Variants in NXPE4 observed in about 807,000 individuals in gnomAD.
NXPE4 encodes neurexophilin and PC-esterase domain family member 4, also known as NXPE family member 4.
A neutral mutation model predicts 33.3 loss-of-function variants in NXPE4; 42 were observed. The observed-to-expected ratio is 1.26, with a 90% CI of 0.98 to 1.63. The LOEUF is 1.63. Ranked by LOEUF, NXPE4 falls within the 40% of genes most tolerant of loss-of-function variation. The pLI is 0.00. For synonymous variants in NXPE4, 253 were observed against 234.9 expected (o/e 1.08, Z -0.71); for missense variants, 709 against 647.6 (o/e 1.09, Z -1.03).
At chr11:114,669,159 A>G in the NXPE4 span, among the ~76,000 whole-genome samples, 1 of 152,112 alleles carries the variant, frequency 6.6e-6, no homozygotes, top group Non-Finnish European at 1.5e-5. Context: ...CCCTCTCCCC[A>G]GTGGAACAAT....
At chr11:114,663,667 C>T in the NXPE4 span, among the ~76,000 whole-genome samples, 6 of 84,638 alleles carry the variant, frequency 7.1e-5, no homozygotes, top group East Asian at 3.4e-4. Flanking sequence ...ATTTATCTAT[C>T]ATCTATCTAT....
At chr11:114,594,520 A>C (rs1949534459) in intron 2 of NXPE4, 144 bp downstream of exon 2, 1 of 631,244 alleles carries the variant, frequency 1.6e-6, no homozygotes, top group Non-Finnish European at 2.8e-6. Context: ...TTGCTTAATG[A>C]TTATCAGGTA....
chr11:114,633,271 G>A, the NXPE4 span, among the ~76,000 whole-genome samples: 4 of 132,908 alleles, frequency 3.0e-5, no homozygotes, highest in Non-Finnish European at 4.6e-5. Context: ...ATGTTATATA[G>A]TATTATGTTA....
the NXPE4 span, among the ~76,000 whole-genome samples, chr11:114,617,919 C>G: frequency 6.6e-6 from 1 of 151,974 alleles, no homozygotes; most frequent in African/African-American, 2.4e-5. Context: ...TGGGTAACCA[C>G]TGTAATCTGC....
upstream of NXPE4, among the ~76,000 whole-genome samples, chr11:114,598,763 C>A (rs949165553): frequency 2.6e-5 from 4 of 152,256 alleles, no homozygotes; most frequent in African/African-American, 9.6e-5. Flanking sequence ...CTCACAAAAC[C>A]ATTCTTCCCT....
the NXPE4 span, among the ~76,000 whole-genome samples, chr11:114,665,145 A>C: frequency 6.6e-6 from 1 of 152,168 alleles, no homozygotes; most frequent in Non-Finnish European, 1.5e-5. Context: ...TAGCCTTGCC[A>C]CATCTTTCCC....
At chr11:114,606,755 T>C in the NXPE4 span, among the ~76,000 whole-genome samples, 7 of 151,926 alleles carry the variant, frequency 4.6e-5, no homozygotes, top group African/African-American at 1.7e-4. Flanking sequence ...TAATAAGTAG[T>C]ACCACAGGGG....
chr11:114,669,609 C>T, the NXPE4 span, among the ~76,000 whole-genome samples: 1 of 152,168 alleles, frequency 6.6e-6, no homozygotes, highest in South Asian at 2.1e-4. Context: ...ATTCTCACTT[C>T]AGCTCACTGG....
At chr11:114,576,535 T>C (rs189907261) in intron 5 of NXPE4, among the ~76,000 whole-genome samples, 247 of 152,000 alleles carry the variant, frequency 1.6e-3, no homozygotes, top group Middle Eastern at 0.014. Context: ...AAGTGGGCTA[T>C]AGACATGAAT....
chr11:114,647,959 C>A, the NXPE4 span, among the ~76,000 whole-genome samples: 1 of 152,148 alleles, frequency 6.6e-6, no homozygotes, highest in African/African-American at 2.4e-5. Context: ...CTTGGCCTCC[C>A]AAAGTTCTGG....
the NXPE4 span, among the ~76,000 whole-genome samples, chr11:114,601,788 TGTG>T: frequency 1.7e-4 from 12 of 72,044 alleles, no homozygotes; most frequent in African/African-American, 5.8e-4. Flanking sequence ...TTATATAACA[TGTG>T]ATATATGATT....
chr11:114,596,560 C>G (rs1330176811), upstream of NXPE4, among the ~76,000 whole-genome samples: 3 of 152,232 alleles, frequency 2.0e-5, no homozygotes, highest in Non-Finnish European at 4.4e-5. Flanking sequence ...ATTCTTCCAA[C>G]ATCTTTGATC....
At chr11:114,630,217 C>A in the NXPE4 span, among the ~76,000 whole-genome samples, 1 of 151,710 alleles carries the variant, frequency 6.6e-6, no homozygotes, top group African/African-American at 2.4e-5. Context: ...ATCGCCAAGT[C>A]AATCCTGAGT....
the NXPE4 span, among the ~76,000 whole-genome samples, chr11:114,651,618 C>A: frequency 6.6e-6 from 1 of 152,096 alleles, no homozygotes. Context: ...GTCCATTTTA[C>A]AGAGCACTGA....
intron 2 of NXPE4, chr11:114,584,284 T>C (rs781162140): frequency 1.8e-5 from 9 of 508,552 alleles, no homozygotes; most frequent in African/African-American, 1.0e-4. Context: ...TTTCAAGCCC[T>C]ACATCAGTCC....
At chr11:114,639,116 C>T in the NXPE4 span, among the ~76,000 whole-genome samples, 1 of 152,046 alleles carries the variant, frequency 6.6e-6, no homozygotes, top group Non-Finnish European at 1.5e-5. Context: ...GTGGTGGGCT[C>T]CACCCAGTTC....
intron 2 of NXPE4, chr11:114,583,821 C>T: frequency 4.8e-6 from 2 of 420,976 alleles, no homozygotes; most frequent in South Asian, 3.7e-5. Flanking sequence ...TTCTATATTA[C>T]AGGCTAGGCC....
At chr11:114,627,439 AAATAC>A in the NXPE4 span, among the ~76,000 whole-genome samples, 1 of 151,504 alleles carries the variant, frequency 6.6e-6, no homozygotes, top group South Asian at 2.1e-4. Flanking sequence ...AGTGAAGGAG[AAATAC>A]AATACTTTAC....
At chr11:114,657,306 T>A in the NXPE4 span, among the ~76,000 whole-genome samples, 1 of 152,168 alleles carries the variant, frequency 6.6e-6, no homozygotes, top group African/African-American at 2.4e-5. Context: ...GATCTCGATA[T>A]AGAATTTAGA....
Sources: allele counts gnomAD v4.1 joint callset (sites outside exome capture counted in the v4.1 genomes callset), GRCh38; gene constraint gnomAD v4.1.1; transcripts MANE v1.5; gene names NCBI Gene and HGNC (gene_info 2026-07-23, HGNC 2026-07-21).